PRDM2: variants seen among roughly 807,000 people sequenced by gnomAD.
PRDM2 encodes the protein PR domain zinc finger protein 2.
PRDM2 carries 30 observed loss-of-function variants against 130.0 expected under a neutral mutation model. The ratio of observed to expected loss-of-function variants is 0.23; its 90% CI spans 0.17 to 0.31. The LOEUF (loss-of-function observed/expected upper bound fraction) is 0.31, where lower values mean the gene tolerates loss of function less well. PRDM2 is among the 10% of genes least tolerant of loss of function. PRDM2 has a pLI of 1.00. For missense variants in PRDM2, 2,011 were observed against 2,108.4 expected, an observed-to-expected ratio of 0.95 and a Z score of 0.90; for synonymous variants, 871 against 782.4, an observed-to-expected ratio of 1.11 and a Z score of -1.89.
At chr1:13,775,419 A>AT (rs1230281458) in intron 7 of PRDM2, among the ~76,000 whole-genome samples, 1 of 152,236 alleles carries the variant, frequency 6.6e-6, no homozygotes, top group East Asian at 1.9e-4. Context: ...TCTATTGAAA[A>AT]TATCTTTGAA....
chr1:13,737,002 C>A (rs1023060260), intron 4 of PRDM2, among the ~76,000 whole-genome samples: 3 of 152,142 alleles, frequency 2.0e-5, no homozygotes, highest in Admixed American at 2.0e-4. Context: ...TATCAGTCAG[C>A]GCTGCTATGA....
Position 13,779,201 on chromosome 1 carries a change from ATTC to A in PRDM2, c.1411_1413del (p.Ser471del). ...GAGAAGGCTTCCCAAGACACAATAA[ATTC>A]TTCTGTCGTAGAAGAGAATGGGGAA... On this transcript the variant is annotated inframe_deletion, in exon 8 of 10. Transcript: ENST00000311066. This position sits in a 1 kb window ranked among gnomAD's most constrained non-coding sequence, Gnocchi z 4.9. 1.9e-6 allele frequency: 3 copies of A among 1,614,176 alleles called. No individual in the cohort carries two copies. The East Asian group carries it at 6.7e-5, about 36-fold the overall frequency.
chr1:13,722,287 G>A (rs1484551258), intron 2 of PRDM2, among the ~76,000 whole-genome samples: 1 of 152,126 alleles, frequency 6.6e-6, no homozygotes, highest in Non-Finnish European at 1.5e-5. Context: ...GAGGAGCTGG[G>A]ATTTGAACTT....
intron 7 of PRDM2, 121 bp from the exon 8 acceptor site, chr1:13,778,297 C>A: frequency 9.9e-7 from 1 of 1,010,522 alleles, no homozygotes; most frequent in Non-Finnish European, 1.5e-6. Context: ...ATTTATTGTT[C>A]ATCATCATCT....
In PRDM2 at chr1:13,781,929, A is replaced by T; in HGVS notation, c.4134A>T (p.Gln1378His). 6.2e-7 allele frequency: 1 copy of T among 1,614,168 alleles called. No individual in the cohort carries two copies. The change falls in exon 8 of 10, where the codon CAA (glutamine) becomes CAT (histidine). Residue 1378 changes from glutamine to histidine, a missense_variant. Gln to His is a conservative substitution (Grantham distance 24). This residue lies in a region of PRDM2 where 229 missense variants were observed against 364.1 expected (regional missense o/e 0.63). Coordinates refer to ENST00000311066, the MANE Select transcript of PRDM2 (RefSeq NM_001393986.1). This position sits in a 1 kb window ranked among gnomAD's most constrained non-coding sequence, Gnocchi z 6.1. Reference protein sequence around the residue: ...KNPVPLKQTVQPKNGVVVLDN... With the variant: ...KNPVPLKQTVHPKNGVVVLDN... ...CAGTACCATTAAAACAAACTGTGCA[A>T]CCCAAAAATGGCGTGGTGGTTTTAG... is the stretch of plus-strand genomic sequence containing the variant.
In PRDM2 at chr1:13,771,945, G is replaced by A. The variant is rs1355078428; in HGVS notation, c.512-1133G>A. On this transcript the variant is annotated intron_variant, in intron 6 of 9. Transcript: ENST00000311066. This position sits in a 1 kb window ranked among gnomAD's most constrained non-coding sequence, Gnocchi z 4.1. ...ATTTTATGTCTCTGACCTCATTTTT[G>A]TCTGTTTACATTTTTAGCTAATTAT... 1 of 152,038 alleles carries A rather than the reference G, an allele frequency of 6.6e-6. No individual in the cohort carries two copies. The highest frequency in any genetic ancestry group is 1.5e-5 in the Non-Finnish European group (1 of 67,984). The allele number at this position is 152,038 out of a possible 1,614,324, so 9.4% of individuals were successfully genotyped here. A position where few individuals can be genotyped will look rare whatever the true frequency, so the allele number is the denominator to read the frequency against.
chr1:13,793,757 C>T (rs543183932), intron 8 of PRDM2, among the ~76,000 whole-genome samples: 33 of 152,086 alleles, frequency 2.2e-4, no homozygotes, highest in African/African-American at 7.5e-4. Context: ...CCCTGGCCCA[C>T]GTTGGAAGAA....
intron 7 of PRDM2, among the ~76,000 whole-genome samples, chr1:13,774,197 G>A (rs1644421127): frequency 6.6e-6 from 1 of 150,796 alleles, no homozygotes; most frequent in South Asian, 2.1e-4. Context: ...CTTGCCCTCT[G>A]CTCATTGCAG....
At chr1:13,818,681 G>A (rs945808190) in intron 9 of PRDM2, among the ~76,000 whole-genome samples, 11 of 152,022 alleles carry the variant, frequency 7.2e-5, no homozygotes, top group Non-Finnish European at 1.0e-4. Flanking sequence ...CACCGCTCCC[G>A]GCTGTTTACT....
chr1:13,735,177 G>T (rs950345164), intron 4 of PRDM2, among the ~76,000 whole-genome samples: 2 of 152,204 alleles, frequency 1.3e-5, no homozygotes, highest in Non-Finnish European at 2.9e-5. Context: ...TTGAGCCCTT[G>T]ATTATCTAAC....
chr1:13,727,534 C>G (rs1344704202), intron 2 of PRDM2, among the ~76,000 whole-genome samples: 1 of 152,250 alleles, frequency 6.6e-6, no homozygotes, highest in African/African-American at 2.4e-5. Flanking sequence ...GGATTACAGG[C>G]GTGAGCCACC....
chr1:13,721,019 G>A (rs1642709868), intron 2 of PRDM2, among the ~76,000 whole-genome samples: 2 of 152,124 alleles, frequency 1.3e-5, no homozygotes, highest in African/African-American at 4.8e-5. Flanking sequence ...TCTGAAGTTA[G>A]TCTTTCCCTG....
At chr1:13,812,483 A>C (rs1221643931) in intron 8 of PRDM2, among the ~76,000 whole-genome samples, 1 of 152,240 alleles carries the variant, frequency 6.6e-6, no homozygotes, top group Non-Finnish European at 1.5e-5. Context: ...TGTAACAACA[A>C]CACGTTTGGC....
At chr1:13,801,545 G>A (rs907975831) in intron 8 of PRDM2, among the ~76,000 whole-genome samples, 1 of 152,182 alleles carries the variant, frequency 6.6e-6, no homozygotes, top group Non-Finnish European at 1.5e-5. Flanking sequence ...CCGCCTGCCA[G>A]CTGTGTGTTC....
intron 6 of PRDM2, chr1:13,769,284 G>T (rs772714723): frequency 3.4e-4 from 196 of 575,150 alleles, no homozygotes; most frequent in Non-Finnish European, 4.1e-4. Context: ...TATGGGTTTG[G>T]TTTTTTCTTT....
chr1:13,782,019 G>C lies in PRDM2; in HGVS notation c.4224G>C (p.Glu1408Asp). Residue 1408 changes from glutamate to aspartate, a missense_variant, in exon 8 of 10, where the codon GAG becomes GAC. This residue lies in a region of PRDM2 where 410 missense variants were observed against 395.9 expected (regional missense o/e 1.04). Coordinates refer to ENST00000311066, the MANE Select transcript of PRDM2 (RefSeq NM_001393986.1). Reference protein sequence around the residue: ...GQPKRLNFSVELSKMSSNKLK... With the variant: ...GQPKRLNFSVDLSKMSSNKLK... Reference sequence around the variant, plus strand: ...CCAAAAGGCTTAACTTTAGTGTTGAGCTCAGCAAAATGTCGTCGAATAAGC... The same window carrying C: ...CCAAAAGGCTTAACTTTAGTGTTGACCTCAGCAAAATGTCGTCGAATAAGC... 6.2e-7 allele frequency: 1 copy of C among 1,614,048 alleles called. No homozygotes were observed.
chr1:13,722,638 G>A (rs1642767733), intron 2 of PRDM2, among the ~76,000 whole-genome samples: 1 of 152,106 alleles, frequency 6.6e-6, no homozygotes, highest in Admixed American at 6.6e-5. Flanking sequence ...AACAGCCTCA[G>A]TGGGAGGCAG....
rs770409441 is a variant in PRDM2 at position 13,725,496 on chromosome 1, C to T, written c.10-5504C>T. ...CTGGGATTACAGGCATGAGCCACTG[C>T]GCCCGGCCCAAGTCCTGTGTACTCT... On this transcript the variant is annotated intron_variant, in intron 2 of 9. Transcript: ENST00000311066. 3.9e-4 allele frequency among the ~76,000 whole-genome samples: 59 copies of T among 152,298 alleles called. 1 individual carries two copies. Among genetic ancestry groups the T allele is most frequent in the South Asian group, 6.2e-4 (3 of 4,828 alleles).
chr1:13,754,783 G>A (rs1416227389), intron 6 of PRDM2, among the ~76,000 whole-genome samples: 1 of 152,212 alleles, frequency 6.6e-6, no homozygotes, highest in African/African-American at 2.4e-5. Context: ...TGTGCCCACT[G>A]ACTTATAGGG....
Sources: allele counts gnomAD v4.1 joint callset (sites outside exome capture counted in the v4.1 genomes callset), GRCh38; gene constraint gnomAD v4.1.1; regional missense constraint gnomAD v4.1.1; non-coding constraint Gnocchi (gnomAD v3.1); transcripts MANE v1.5; gene names NCBI Gene and HGNC (gene_info 2026-07-23, HGNC 2026-07-21).